ANHX: variants seen among roughly 807,000 people sequenced by gnomAD.
ANHX encodes the protein anomalous homeobox protein.
ANHX carries 20 observed loss-of-function variants against 38.9 expected under a neutral mutation model. The observed-to-expected ratio is 0.51, with a 90% CI of 0.36 to 0.75. The LOEUF (loss-of-function observed/expected upper bound fraction) is 0.75. Among genes scored for constraint, ANHX ranks in the 30% least tolerant of loss-of-function variants. ANHX has a pLI of 0.00. For missense variants in ANHX, 475 were observed against 493.1 expected (o/e 0.96, Z 0.35); for synonymous variants, 185 against 203.1 (o/e 0.91, Z 0.76).
chr12:133,221,420 A>G lies in ANHX; in HGVS notation c.1133-68T>C. ...AGCAGAGCCCACGTGTGACACAACCAAGACCTCAAAGCACGGAGGCGGATG... is the reference window on the plus strand; with the variant it reads ...AGCAGAGCCCACGTGTGACACAACCGAGACCTCAAAGCACGGAGGCGGATG... On this transcript the variant is annotated intron_variant, in intron 7 of 9. Transcript: ENST00000545940. The surrounding 1 kb of genome is among the most constrained non-coding windows in gnomAD (Gnocchi z 4.1). 2 of 1,471,734 alleles carry G rather than the reference A, an allele frequency of 1.4e-6. No individual in the cohort carries two copies. The highest frequency in any genetic ancestry group is 1.8e-6 in the Non-Finnish European group (2 of 1,110,932). The allele number at this position is 1,471,734 out of a possible 1,614,324, so 91.2% of individuals were successfully genotyped here. A position where few individuals can be genotyped will look rare whatever the true frequency, so the allele number is the denominator to read the frequency against.
chr12:133,223,996 C>T (rs142443642), intron 7 of ANHX, among the ~76,000 whole-genome samples: 8 of 152,144 alleles, frequency 5.3e-5, no homozygotes, highest in Admixed American at 2.6e-4. Context: ...AATGAGGACT[C>T]GGATAATTTA....
intron 7 of ANHX, among the ~76,000 whole-genome samples, chr12:133,224,839 C>T (rs544828948): frequency 4.9e-4 from 68 of 137,408 alleles, no homozygotes; most frequent in Non-Finnish European, 7.2e-4. Context: ...TGGTGGCGGG[C>T]GCCTGTAGTC....
intron 2 of ANHX, among the ~76,000 whole-genome samples, chr12:133,232,926 A>C (rs970912291): frequency 3.9e-5 from 6 of 152,068 alleles, no homozygotes; most frequent in African/African-American, 1.2e-4. Flanking sequence ...ATTGACAAAC[A>C]ACCTTCTAGT....
chr12:133,224,759 A>G (rs1362974358), intron 7 of ANHX, among the ~76,000 whole-genome samples: 4 of 150,900 alleles, frequency 2.7e-5, no homozygotes, highest in South Asian at 2.1e-4. Context: ...AGGTCAGGAG[A>G]TCAAGACCAT....
chr12:133,231,472 T>C (rs1425479712), intron 3 of ANHX, 45 bp downstream of exon 3: 2 of 1,534,884 alleles, frequency 1.3e-6, no homozygotes, highest in African/African-American at 2.7e-5. Context: ...ATCTAATCCC[T>C]TGGGATCCCC....
At chr12:133,231,385 A>T (rs1957272093) in intron 3 of ANHX, 132 bp downstream of exon 3, 2 of 1,266,870 alleles carry the variant, frequency 1.6e-6, no homozygotes, top group African/African-American at 1.5e-5. Context: ...TGTGACTATT[A>T]CTGCTCCGGC....
Position 133,226,391 on chromosome 12 carries a change from C to G in ANHX, c.766G>C (p.Gly256Arg), listed in dbSNP as rs1271810788. ...GCTAAGGCCAGTGGCTCCCATGGTC[C>G]TTGGGTGGTCTGTGGGGACTGTGGA... ...GPPQSPQTTQ[G>R]PWEPLALAPD... The change falls in exon 6 of 10, where the codon GGA (glycine) becomes CGA (arginine). Residue 256 changes from glycine (G) to arginine (R), a missense_variant. Physicochemically the swap from Gly to Arg is moderately radical, Grantham distance 125. Transcript: ENST00000545940. 6.5e-7 allele frequency: 1 copy of G among 1,536,222 alleles called. No individual in the cohort carries two copies. The highest frequency in any genetic ancestry group is 2.0e-5 in the Admixed American group (1 of 51,004).
In ANHX at chr12:133,221,634, G is replaced by A. The variant is rs531108266; in HGVS notation, c.1133-282C>T. ...GTCATCGCAGACCTCATGTGCCCTC[G>A]GTGCCAGTCAGAGTCTGCAGCTTGC... On this transcript the variant is annotated intron_variant, in intron 7 of 9. Transcript: ENST00000545940. This position sits in a 1 kb window ranked among gnomAD's most constrained non-coding sequence, Gnocchi z 4.1. Among the ~76,000 whole-genome samples the A allele has an allele frequency of 2.6e-5, 4 of 152,218 alleles. No homozygotes were observed. The highest frequency in any genetic ancestry group is 3.9e-4 in the East Asian group (2 of 5,162).
Position 133,226,442 on chromosome 12 carries a change from A to G in ANHX, c.719-4T>C, listed in dbSNP as rs1001472697. On this transcript the variant is annotated splice_region_variant and splice_polypyrimidine_tract_variant and intron_variant, in intron 5 of 9. Coordinates refer to ENST00000545940, the MANE Select transcript of ANHX (RefSeq NM_001372060.1). ...GGCCCCTTTTCCTCACGTTCCTCTG[A>G]AAGTGATGAGATGGGAGGGGAGACT... is the stretch of plus-strand genomic sequence containing the variant. The G allele has an allele frequency of 2.6e-6, 4 of 1,532,666 alleles. No homozygotes were observed. The African/African-American group carries it at 5.5e-5, about 21-fold the overall frequency. 94.9% of individuals were successfully genotyped at this position (1,532,666 alleles called of 1,614,324 possible).
chr12:133,226,613 A>T (rs1333828554), intron 5 of ANHX, among the ~76,000 whole-genome samples, 175 bp from the exon 6 acceptor site: 2 of 152,194 alleles, frequency 1.3e-5, no homozygotes, highest in South Asian at 4.1e-4. Context: ...TTGCCAACCC[A>T]GGACACCCCA....
chr12:133,226,895 C>T, intron 5 of ANHX, 41 bp downstream of exon 5: 1 of 1,462,726 alleles, frequency 6.8e-7, no homozygotes, highest in Non-Finnish European at 9.0e-7. Context: ...CAGAAACCAG[C>T]TCCCCGACCA....
rs182360935 is a variant in ANHX at position 133,220,105 on chromosome 12, G to A, written c.1281-738C>T. ...CTGGGTGGCCAGGGAGAGGCGAAAG[G>A]CAGGAGGAGGGTACATTGAAGACCT... On this transcript the variant is annotated intron_variant, in intron 8 of 9. Coordinates refer to ENST00000545940, the MANE Select transcript of ANHX (RefSeq NM_001372060.1). Among the ~76,000 whole-genome samples, 5 of 152,270 alleles carry A rather than the reference G, an allele frequency of 3.3e-5. No individual in the cohort carries two copies. The East Asian group carries it at 9.6e-4, about 29-fold the overall frequency.
chr12:133,225,634 C>T lies in ANHX; in HGVS notation c.1034G>A (p.Gly345Glu), dbSNP rs1335334486. The change falls in exon 7 of 10, where the codon GGG (glycine) becomes GAG (glutamate). Residue 345 changes from glycine (G) to glutamate (E), a missense_variant. By Grantham distance (98) the Gly-to-Glu change is moderately conservative. Transcript: ENST00000545940. ...CAGCCCATGGCTGTGGACCAGCTGC[C>T]CAGTCTGGAAGGAAACTTCCTTGGA... ...ASSKEVSFQT[G>E]QLVHSHGLDF... Among the ~76,000 whole-genome samples, 1 of 152,228 alleles carries T rather than the reference C, an allele frequency of 6.6e-6. No individual in the cohort carries two copies. The highest frequency in any genetic ancestry group is 1.5e-5 in the Non-Finnish European group (1 of 68,040).
In ANHX at chr12:133,226,391, C is replaced by T. The variant is rs1271810788; in HGVS notation, c.766G>A (p.Gly256Arg). The T allele has an allele frequency of 2.6e-6, 4 of 1,536,222 alleles. No homozygotes were observed. Among genetic ancestry groups the T allele is most frequent in the East Asian group, 2.4e-5 (1 of 40,924 alleles). The change falls in exon 6 of 10, where the codon GGA becomes AGA. Residue 256 changes from glycine to arginine, a missense_variant. Gly to Arg is a moderately radical substitution (Grantham distance 125). Transcript: ENST00000545940. ...GCTAAGGCCAGTGGCTCCCATGGTC[C>T]TTGGGTGGTCTGTGGGGACTGTGGA... is the stretch of plus-strand genomic sequence containing the variant. ...GPPQSPQTTQGPWEPLALAPD... is the reference protein window; with the variant it reads ...GPPQSPQTTQRPWEPLALAPD...
At chr12:133,229,159 G>A (rs1284597077) in intron 3 of ANHX, among the ~76,000 whole-genome samples, 1 of 152,038 alleles carries the variant, frequency 6.6e-6, no homozygotes, top group Admixed American at 6.6e-5. Context: ...TTCTCTGTGC[G>A]CTCCCAGGAT....
Position 133,219,365 on chromosome 12 carries a change from G to C in ANHX, c.1283C>G (p.Pro428Arg). 1 of 1,526,568 alleles carries C rather than the reference G, an allele frequency of 6.6e-7. No homozygotes were observed. 94.6% of individuals were successfully genotyped at this position (1,526,568 alleles called of 1,614,324 possible). The change falls in exon 9 of 10, where the codon CCT (proline) becomes CGT (arginine). Residue 428 changes from proline to arginine, a missense_variant and splice_region_variant. Transcript: ENST00000545940. The part of the protein sequence containing the change: ...QAPEFILTQS[P>R]PELAPAPSAF... Reference sequence around the variant, plus strand: ...AGATGGGGCTGGGGCCAGCTCTGGAGGGCTGGAAAAGAGACAGTGTAAGAA... The same window carrying C: ...AGATGGGGCTGGGGCCAGCTCTGGACGGCTGGAAAAGAGACAGTGTAAGAA...
chr12:133,219,507 G>C (rs1374896265), intron 8 of ANHX, 140 bp from the exon 9 acceptor site: 1 of 631,048 alleles, frequency 1.6e-6, no homozygotes, highest in African/African-American at 1.8e-5. Flanking sequence ...TTCCTGCAGG[G>C]CTGTCACGTA....
chr12:133,223,143 C>T (rs1182426316), intron 7 of ANHX, among the ~76,000 whole-genome samples: 1 of 151,740 alleles, frequency 6.6e-6, no homozygotes, highest in African/African-American at 2.4e-5. Flanking sequence ...GAGCCGAGAT[C>T]GCACCACTGC....
intron 2 of ANHX, among the ~76,000 whole-genome samples, 176 bp downstream of exon 2, chr12:133,233,932 G>A (rs1957323587): frequency 1.3e-5 from 2 of 152,216 alleles, no homozygotes; most frequent in Non-Finnish European, 1.5e-5. Flanking sequence ...TAATGTGAGA[G>A]CGGAGTAAGG....
Sources: gnomAD v4.1 joint callset for allele counts (sites outside exome capture counted in the v4.1 genomes callset) on GRCh38, gnomAD v4.1.1 for gene constraint, Gnocchi (gnomAD v3.1) non-coding constraint, MANE v1.5 for transcripts, NCBI Gene and HGNC (gene_info 2026-07-23, HGNC 2026-07-21) for gene names.